The following OR52N4 variants were observed in gnomAD, a reference collection of about 807,000 sequenced individuals.
OR52N4 encodes the protein olfactory receptor family 52 subfamily N member 4.
Under a neutral mutation model 15.0 loss-of-function variants are expected in OR52N4, and 15 were observed. The ratio of observed to expected loss-of-function variants is 1.00; its 90% CI spans 0.67 to 1.54. The LOEUF (loss-of-function observed/expected upper bound fraction) is 1.54, where lower values mean the gene tolerates loss of function less well. Ranked by LOEUF, OR52N4 falls within the 40% of genes most tolerant of loss-of-function variation. The pLI is 0.00. For missense variants in OR52N4, 421 were observed against 394.0 expected (o/e 1.07, Z -0.58); for synonymous variants, 143 against 143.7 (o/e 1.00, Z 0.03).
chr11:5,739,313 C>T, the OR52N4 span, among the ~76,000 whole-genome samples: 3 of 126,976 alleles, frequency 2.4e-5, no homozygotes, highest in Non-Finnish European at 3.5e-5. Context: ...CTTTGGGAGG[C>T]CAAAGTAGGA....
the OR52N4 span, chr11:5,734,100 T>G: frequency 2.2e-6 from 1 of 451,944 alleles, no homozygotes; most frequent in East Asian, 7.0e-5. Context: ...GTTTATAATT[T>G]CTGTGCCACA....
the OR52N4 span, chr11:5,736,558 C>A: frequency 6.2e-7 from 1 of 1,613,762 alleles, no homozygotes. Flanking sequence ...CCAATAGCTC[C>A]AAATTCCAGG....
chr11:5,736,722 A>G, the OR52N4 span: 2 of 1,613,924 alleles, frequency 1.2e-6, no homozygotes, highest in East Asian at 2.2e-5. Flanking sequence ...CAGCCCATGT[A>G]TATTTTCCTT....
At position 5,755,513 on chromosome 11, in the gene OR52N4, T is replaced by G. The variant is rs1854295034; in HGVS notation, c.773T>G (p.Phe258Cys). 2 of 1,613,828 alleles carry G rather than the reference T, an allele frequency of 1.2e-6. No homozygotes were observed. The highest frequency in any genetic ancestry group is 2.2e-5 in the South Asian group (2 of 91,084). Residue 258 changes from phenylalanine (F) to cysteine (C), a missense_variant, in exon 2 of 2, where the codon TTC becomes TGC. Coordinates refer to ENST00000641350, the MANE Select transcript of OR52N4 (RefSeq NM_001005175.5). ...ATTGTTTTCTCCTATACTCCAGCTT[T>G]CTTCTCCTTCTTTTCCCACCGCTTT... is the stretch of plus-strand genomic sequence containing the variant. The part of the protein sequence containing the change: ...CAIVFSYTPA[F>C]FSFFSHRFGE...
At chr11:5,742,995 T>C in the OR52N4 span, among the ~76,000 whole-genome samples, 5 of 152,056 alleles carry the variant, frequency 3.3e-5, no homozygotes, top group African/African-American at 7.2e-5. Context: ...CCTATTAAAA[T>C]GCACCCAATG....
chr11:5,747,636 A>C, the OR52N4 span, among the ~76,000 whole-genome samples: 7 of 152,148 alleles, frequency 4.6e-5, no homozygotes, highest in Middle Eastern at 3.4e-3. Context: ...TAAATGAGGC[A>C]TTTCTTGTGA....
At chr11:5,741,069 AAGTTTATGCAGGAAGATAATAAAGG>A in the OR52N4 span, among the ~76,000 whole-genome samples, 29 of 142,444 alleles carry the variant, frequency 2.0e-4, 7 homozygotes, top group Middle Eastern at 6.9e-3. Context: ...GATAATAAAG[AAGTTTATGCAGGAAGATAATAAAGG>A]AGTTTATGCA....
rs1051049114 is a variant in OR52N4, at chr11:5,755,325, G to A, written c.585G>A (p.Lys195=). 2.1e-5 allele frequency: 34 copies of A among 1,613,934 alleles called. No homozygotes were observed. The highest frequency in any genetic ancestry group is 2.9e-5 in the Non-Finnish European group (34 of 1,180,000). The change falls in exon 2 of 2, where the codon AAG becomes AAA. Residue 195 remains lysine, a synonymous_variant. Transcript: ENST00000641350. ...SVAKLSCGNV[K]VNAIYGLMVA... ...CCAAATTGTCCTGTGGTAATGTCAA[G>A]GTCAATGCCATCTATGGTCTGATGG...
chr11:5,734,149 T>C, the OR52N4 span: 28 of 456,328 alleles, frequency 6.1e-5, no homozygotes, highest in Middle Eastern at 3.3e-4. Flanking sequence ...TGTTAAAGCA[T>C]CTTTCTCATA....
the OR52N4 span, among the ~76,000 whole-genome samples, chr11:5,741,855 GGT>G: frequency 1.2e-4 from 19 of 152,232 alleles, no homozygotes; most frequent in African/African-American, 4.6e-4. Context: ...TTATGGAAAT[GGT>G]GTCCTTAAGA....
At chr11:5,750,846 A>G (rs1160206021), upstream of OR52N4, among the ~76,000 whole-genome samples, 3 of 151,992 alleles carry the variant, frequency 2.0e-5, no homozygotes, top group East Asian at 5.8e-4. Context: ...AAAATTCCAA[A>G]GCTAAAATTT....
At chr11:5,737,608 A>G in the OR52N4 span, 1 of 915,864 alleles carries the variant, frequency 1.1e-6, no homozygotes, top group South Asian at 2.5e-5. Flanking sequence ...ATTTGTATGT[A>G]AATAATTGTG....
the OR52N4 span, chr11:5,737,264 T>C: frequency 1.2e-6 from 2 of 1,614,158 alleles, no homozygotes; most frequent in Non-Finnish European, 1.7e-6. Flanking sequence ...CCTGAGCACT[T>C]GTAGTTCACA....
At chr11:5,736,427 AG>A in the OR52N4 span, 1 of 1,110,976 alleles carries the variant, frequency 9.0e-7, no homozygotes, top group South Asian at 1.4e-5. Context: ...AGAAAGGCTT[AG>A]AAAAATACTA....
chr11:5,754,660 T>C (rs1466296648), intron 1 of OR52N4, 33 bp from the exon 2 acceptor site: 2 of 1,408,696 alleles, frequency 1.4e-6, no homozygotes, highest in Admixed American at 2.4e-5. Context: ...AAAAATAACC[T>C]ATATTTTCTC....
upstream of OR52N4, among the ~76,000 whole-genome samples, chr11:5,751,975 A>G (rs1447013431): frequency 2.0e-5 from 3 of 152,090 alleles, no homozygotes; most frequent in Non-Finnish European, 4.4e-5. Context: ...TGAAGAATGT[A>G]TAGGGATTAG....
At chr11:5,729,244 C>T in the OR52N4 span, among the ~76,000 whole-genome samples, 22 of 151,074 alleles carry the variant, frequency 1.5e-4, no homozygotes, top group South Asian at 6.3e-4. Flanking sequence ...CTCAGCCTCC[C>T]GAGTAGCTAG....
the OR52N4 span, among the ~76,000 whole-genome samples, chr11:5,746,537 G>T: frequency 3.9e-5 from 6 of 152,070 alleles, no homozygotes; most frequent in East Asian, 1.2e-3. Context: ...TATACAAGTG[G>T]CCAAGAAACA....
the OR52N4 span, among the ~76,000 whole-genome samples, chr11:5,744,668 T>G: frequency 4.8e-4 from 72 of 149,150 alleles, 1 homozygote; most frequent in East Asian, 0.011. Context: ...ATCCCAGCAC[T>G]CTGGGAGGCT....
Sources: gnomAD v4.1 joint callset for allele counts (sites outside exome capture counted in the v4.1 genomes callset) on GRCh38, gnomAD v4.1.1 for gene constraint, MANE v1.5 for transcripts, NCBI Gene and HGNC (gene_info 2026-07-23, HGNC 2026-07-21) for gene names.